YWHAB: variants seen among roughly 807,000 people sequenced by gnomAD.
YWHAB encodes tyrosine 3-monooxygenase/tryptophan 5-monooxygenase activation protein beta.
Under a neutral mutation model 28.5 loss-of-function variants are expected in YWHAB, and 2 were observed. The ratio of observed to expected loss-of-function variants is 0.07; its 90% confidence interval spans 0.03 to 0.22. The LOEUF (loss-of-function observed/expected upper bound fraction) is 0.22, where lower values mean the gene tolerates loss of function less well. Ranked by LOEUF, YWHAB falls within the 10% of genes least tolerant of loss-of-function variation. YWHAB has a pLI of 1.00. For missense variants in YWHAB, 148 were observed against 297.1 expected, an observed-to-expected ratio of 0.50 and a Z score of 3.69; for synonymous variants, 103 against 104.7, an observed-to-expected ratio of 0.98 and a Z score of 0.10.
chr20:44,889,417 G>A (rs1365660908), intron 1 of YWHAB, among the ~76,000 whole-genome samples: 1 of 151,624 alleles, frequency 6.6e-6, no homozygotes. Context: ...AGATGTAAAT[G>A]ATCAGTGGCC....
intron 1 of YWHAB, among the ~76,000 whole-genome samples, chr20:44,897,900 G>A (rs1000932702): frequency 2.0e-5 from 3 of 152,302 alleles, no homozygotes; most frequent in Non-Finnish European, 4.4e-5. Context: ...AGGTCTGCAG[G>A]AGTCTTGCAC....
At chr20:44,897,508 A>G (rs907471506) in intron 1 of YWHAB, among the ~76,000 whole-genome samples, 1 of 152,204 alleles carries the variant, frequency 6.6e-6, no homozygotes, top group Non-Finnish European at 1.5e-5. Flanking sequence ...ACCATGAAGT[A>G]GGGTTATTTA....
At chr20:44,896,638 G>A (rs2066597613) in intron 1 of YWHAB, among the ~76,000 whole-genome samples, 1 of 152,188 alleles carries the variant, frequency 6.6e-6, no homozygotes, top group Non-Finnish European at 1.5e-5. Context: ...TAGGAAAATG[G>A]GTCTTACAGC....
chr20:44,895,579 C>T (rs2066591162), intron 1 of YWHAB, among the ~76,000 whole-genome samples: 1 of 152,160 alleles, frequency 6.6e-6, no homozygotes, highest in South Asian at 2.1e-4. Context: ...AGCGATTCTC[C>T]CATCTCAGCC....
At chr20:44,893,319 C>T (rs1568929444) in intron 1 of YWHAB, among the ~76,000 whole-genome samples, 1 of 151,910 alleles carries the variant, frequency 6.6e-6, no homozygotes, top group African/African-American at 2.4e-5. Flanking sequence ...TTTGTGAGTA[C>T]CTTTAGAATT....
Position 44,908,174 on chromosome 20 carries a change from C to CA in YWHAB, c.*1747dup, listed in dbSNP as rs397727628. On this transcript the variant is annotated 3_prime_UTR_variant, in exon 6 of 6. Transcript: ENST00000353703. The stretch of plus-strand genomic sequence containing the variant: ...AACAAACCAAAAAAAAAGAAAAAAA[C>CA]AAAAAAAAAAATCCCTCCTTTCTAG... 4,979 of 141,384 alleles carry CA rather than the reference C, an allele frequency of 0.035. 180 individuals carry two copies. Among genetic ancestry groups the CA allele is most frequent in the Admixed American group, 0.093 (1,340 of 14,354 alleles). 8.8% of individuals were successfully genotyped at this position (141,384 alleles called of 1,614,324 possible).
rs540378037 is a variant in YWHAB, at chr20:44,905,173, T to C, written c.588+42T>C. On this transcript the variant is annotated intron_variant, in intron 4 of 5. Transcript: ENST00000353703. Reference sequence around the variant, plus strand: ...GTGATATCTAACCATAGCAAAACAGTGCTTGTGTTATTAACTTCATTTTAT... The same window carrying C: ...GTGATATCTAACCATAGCAAAACAGCGCTTGTGTTATTAACTTCATTTTAT... 97 of 1,548,614 alleles carry C rather than the reference T, an allele frequency of 6.3e-5. No homozygotes were observed. In the South Asian group the frequency reaches 1.1e-3, roughly 17 times the overall value.
At chr20:44,888,614 ATAAAG>A (rs1243106427) in intron 1 of YWHAB, among the ~76,000 whole-genome samples, 1 of 152,242 alleles carries the variant, frequency 6.6e-6, no homozygotes, top group Non-Finnish European at 1.5e-5. Context: ...ACCAATCCTA[ATAAAG>A]TAAACGTTTG....
chr20:44,906,222 A>G (rs2066655088), intron 5 of YWHAB, 126 bp downstream of exon 5: 2 of 1,139,796 alleles, frequency 1.8e-6, no homozygotes, highest in Non-Finnish European at 2.5e-6. Context: ...TAAATTTGTT[A>G]TAAATGACTG....
chr20:44,897,260 C>T (rs561652221), intron 1 of YWHAB, among the ~76,000 whole-genome samples: 1 of 152,292 alleles, frequency 6.6e-6, no homozygotes, highest in African/African-American at 2.4e-5. Flanking sequence ...CAACGGCAAT[C>T]CTTTATTACT....
chr20:44,898,098 A>G (rs2066606163), intron 1 of YWHAB, among the ~76,000 whole-genome samples: 1 of 152,168 alleles, frequency 6.6e-6, no homozygotes, highest in South Asian at 2.1e-4. Flanking sequence ...CAGAACTACC[A>G]TGTGGCCTCT....
intron 1 of YWHAB, among the ~76,000 whole-genome samples, chr20:44,895,620 C>T (rs2066591495): frequency 6.6e-6 from 1 of 152,116 alleles, no homozygotes. Flanking sequence ...AGGCATGAGC[C>T]ACCACACCTG....
At chr20:44,888,116 A>G (rs2066538817) in intron 1 of YWHAB, among the ~76,000 whole-genome samples, 1 of 152,264 alleles carries the variant, frequency 6.6e-6, no homozygotes, top group Non-Finnish European at 1.5e-5. Context: ...CTCAATAATG[A>G]AAATAAGCAT....
intron 1 of YWHAB, among the ~76,000 whole-genome samples, chr20:44,891,090 C>A (rs1474372560): frequency 6.6e-6 from 1 of 151,672 alleles, no homozygotes; most frequent in African/African-American, 2.4e-5. Context: ...CAGGTTTACT[C>A]CTTACAGGAA....
At position 44,905,143 on chromosome 20, in the gene YWHAB, C is replaced by G; in HGVS notation, c.588+12C>G. On this transcript the variant is annotated intron_variant, in intron 4 of 5. Coordinates refer to ENST00000353703, the MANE Select transcript of YWHAB (RefSeq NM_139323.4). ...GCCTGGCAAAAACGGTGAGAAAGAC[C>G]CTTTGTGATATCTAACCATAGCAAA... 6.3e-7 allele frequency: 1 copy of G among 1,598,352 alleles called. No homozygotes were observed. The highest frequency in any genetic ancestry group is 8.5e-7 in the Non-Finnish European group (1 of 1,174,008).
At chr20:44,901,175 G>C (rs1280634052) in intron 1 of YWHAB, among the ~76,000 whole-genome samples, 2 of 152,176 alleles carry the variant, frequency 1.3e-5, no homozygotes, top group Non-Finnish European at 2.9e-5. Context: ...GAGCCAGATA[G>C]ATGTGAGCTG....
intron 4 of YWHAB, chr20:44,905,361 T>C (rs2066650156): frequency 2.4e-6 from 1 of 408,984 alleles, no homozygotes; most frequent in African/African-American, 2.1e-5. Context: ...TTGTAGAAAG[T>C]TCCAGGTGAA....
At chr20:44,892,917 T>A (rs957146633) in intron 1 of YWHAB, among the ~76,000 whole-genome samples, 1 of 152,246 alleles carries the variant, frequency 6.6e-6, no homozygotes, top group African/African-American at 2.4e-5. Flanking sequence ...AGTCTTCATC[T>A]GAAATTTCTA....
At chr20:44,902,351 C>T (rs2066632308) in intron 2 of YWHAB, 1 of 153,030 alleles carries the variant, frequency 6.5e-6, no homozygotes, top group Non-Finnish European at 1.5e-5. Flanking sequence ...GCATTCTCCT[C>T]TCCTGTATTT....
Sources: allele counts gnomAD v4.1 joint callset (sites outside exome capture counted in the v4.1 genomes callset), GRCh38; gene constraint gnomAD v4.1.1; transcripts MANE v1.5; gene names NCBI Gene and HGNC (gene_info 2026-07-23, HGNC 2026-07-21).